The following MSI2 variants were observed in gnomAD, a reference collection of about 807,000 sequenced individuals.
MSI2 encodes RNA-binding protein Musashi homolog 2.
MSI2 carries 17 observed loss-of-function variants against 45.6 expected under a neutral mutation model. The observed-to-expected ratio is 0.37, with a 90% CI of 0.26 to 0.56. MSI2 has a LOEUF of 0.56. MSI2 is among the 20% of genes least tolerant of loss of function. MSI2 has a pLI of 0.77. For synonymous variants in MSI2, 156 were observed against 158.2 expected (o/e 0.99, Z 0.11); for missense variants, 293 against 444.2 (o/e 0.66, Z 3.06).
At chr17:57,590,058 A>G (rs1460464524) in intron 7 of MSI2, among the ~76,000 whole-genome samples, 2 of 152,260 alleles carry the variant, frequency 1.3e-5, no homozygotes, top group African/African-American at 4.8e-5. Flanking sequence ...TGAGTTATAA[A>G]TATTCTTAAG....
chr17:57,262,015 CTT>C (rs1407709358), intron 4 of MSI2, 134 bp from the exon 5 acceptor site: 2 of 872,466 alleles, frequency 2.3e-6, no homozygotes, highest in African/African-American at 3.4e-5. Flanking sequence ...GTTTAAGAAA[CTT>C]TTGAGTTGCC....
chr17:57,507,086 T>C (rs2086245657), intron 6 of MSI2, among the ~76,000 whole-genome samples: 1 of 151,800 alleles, frequency 6.6e-6, no homozygotes, highest in Admixed American at 6.6e-5. Context: ...TAAAAAACCC[T>C]TTCTTATTTC....
At chr17:57,508,867 T>C (rs2086292291) in intron 6 of MSI2, among the ~76,000 whole-genome samples, 1 of 152,226 alleles carries the variant, frequency 6.6e-6, no homozygotes, top group Non-Finnish European at 1.5e-5. Context: ...CACGTGTTCA[T>C]GCACCCATGG....
chr17:57,451,289 T>G (rs1169916077), intron 6 of MSI2, among the ~76,000 whole-genome samples: 1 of 152,118 alleles, frequency 6.6e-6, no homozygotes, highest in Non-Finnish European at 1.5e-5. Context: ...TGCGTGCATG[T>G]GTGTGGGTGC....
chr17:57,330,250 GT>G (rs1307530946), intron 5 of MSI2, among the ~76,000 whole-genome samples: 3 of 148,392 alleles, frequency 2.0e-5, no homozygotes, highest in African/African-American at 7.4e-5. Flanking sequence ...TCTCCTCCCA[GT>G]TTTTACCTCC....
intron 7 of MSI2, among the ~76,000 whole-genome samples, chr17:57,578,396 A>G (rs913468841): frequency 4.6e-5 from 7 of 152,140 alleles, no homozygotes; most frequent in African/African-American, 1.7e-4. Context: ...GCCACCCCGC[A>G]GAACAAGGGG....
chr17:57,604,968 G>C (rs1906381332), intron 8 of MSI2, among the ~76,000 whole-genome samples: 1 of 137,806 alleles, frequency 7.3e-6, no homozygotes, highest in African/African-American at 2.6e-5. Context: ...TGTGTGGGGA[G>C]GGGGGCGGGT....
At chr17:57,371,885 T>C (rs1452447713) in intron 5 of MSI2, among the ~76,000 whole-genome samples, 1 of 151,242 alleles carries the variant, frequency 6.6e-6, no homozygotes, top group Non-Finnish European at 1.5e-5. Flanking sequence ...ATATGAAAAA[T>C]ATATAAAGGA....
intron 7 of MSI2, among the ~76,000 whole-genome samples, chr17:57,592,126 C>T (rs550838152): frequency 6.0e-5 from 9 of 150,718 alleles, no homozygotes; most frequent in African/African-American, 9.8e-5. Context: ...GAGCCGAGAT[C>T]GCGCCACTGC....
At chr17:57,478,001 G>T (rs979893015) in intron 6 of MSI2, among the ~76,000 whole-genome samples, 1 of 152,224 alleles carries the variant, frequency 6.6e-6, no homozygotes, top group Admixed American at 6.5e-5. Flanking sequence ...GCTGGCTGCA[G>T]CTCAGAGGGT....
intron 6 of MSI2, among the ~76,000 whole-genome samples, chr17:57,408,306 T>C (rs1267774045): frequency 6.6e-6 from 1 of 152,238 alleles, no homozygotes; most frequent in African/African-American, 2.4e-5. Flanking sequence ...ACATTATTAT[T>C]GCTCGTTAAC....
At position 57,594,633 on chromosome 17, in the gene MSI2, G is replaced by A. The variant is rs1041928663; in HGVS notation, c.455-2235G>A. 8.5e-5 allele frequency among the ~76,000 whole-genome samples: 13 copies of A among 152,332 alleles called. No homozygotes were observed. In the East Asian group the frequency reaches 2.5e-3, roughly 29 times the overall value. ...GGAGATGCCCAAAGAGAGGGAATAGGATAGCGTTCCCAGCAGCTTTCTCTC... is the reference window on the plus strand; with the variant it reads ...GGAGATGCCCAAAGAGAGGGAATAGAATAGCGTTCCCAGCAGCTTTCTCTC... On this transcript the variant is annotated intron_variant, in intron 7 of 13. Coordinates refer to ENST00000284073, the MANE Select transcript of MSI2 (RefSeq NM_138962.4).
At chr17:57,274,193 C>T (rs1908657235) in intron 5 of MSI2, 2 of 152,212 alleles carry the variant, frequency 1.3e-5, no homozygotes, top group African/African-American at 4.8e-5. Context: ...CTACTCACCC[C>T]CCATCACCCT....
chr17:57,303,327 C>T (rs1911583378), intron 5 of MSI2, among the ~76,000 whole-genome samples: 2 of 152,206 alleles, frequency 1.3e-5, no homozygotes, highest in South Asian at 4.1e-4. Flanking sequence ...AATTGCACAG[C>T]TCGACATATG....
intron 6 of MSI2, among the ~76,000 whole-genome samples, chr17:57,420,094 C>T (rs1308684578): frequency 6.6e-6 from 1 of 152,184 alleles, no homozygotes; most frequent in Non-Finnish European, 1.5e-5. Context: ...GGACTGAACC[C>T]ATCTGCTGGG....
At chr17:57,341,131 C>T (rs1394575369) in intron 5 of MSI2, among the ~76,000 whole-genome samples, 5 of 152,144 alleles carry the variant, frequency 3.3e-5, no homozygotes, top group African/African-American at 9.7e-5. Context: ...TAGAGAGGGG[C>T]TCCCCAGTCA....
chr17:57,567,957 C>T (rs553991653), intron 7 of MSI2, among the ~76,000 whole-genome samples: 12 of 152,310 alleles, frequency 7.9e-5, no homozygotes, highest in Non-Finnish European at 1.5e-4. Flanking sequence ...ATTACTGTCT[C>T]CATTTGATAG....
At chr17:57,546,101 A>T (rs2144153526) in intron 7 of MSI2, among the ~76,000 whole-genome samples, 1 of 152,300 alleles carries the variant, frequency 6.6e-6, no homozygotes, top group African/African-American at 2.4e-5. Context: ...TGCCCAATTT[A>T]TCACGCACCT....
At chr17:57,641,478 CCTGTT>C (rs1567954810) in intron 10 of MSI2, among the ~76,000 whole-genome samples, 2 of 151,990 alleles carry the variant, frequency 1.3e-5, no homozygotes, top group Admixed American at 6.6e-5. Context: ...AGCAAGAGAC[CCTGTT>C]GGAAGGAAGC....
Sources: allele counts gnomAD v4.1 joint callset (sites outside exome capture counted in the v4.1 genomes callset), GRCh38; gene constraint gnomAD v4.1.1; transcripts MANE v1.5; gene names NCBI Gene and HGNC (gene_info 2026-07-23, HGNC 2026-07-21).